The following SLC6A3 variants were observed in gnomAD, a reference collection of about 807,000 sequenced individuals.
SLC6A3 encodes the protein solute carrier family 6 member 3.
A neutral mutation model predicts 70.4 loss-of-function variants in SLC6A3; 19 were observed. The observed-to-expected ratio is 0.27, with a 90% CI of 0.19 to 0.40. The LOEUF is 0.40. Ranked by LOEUF, SLC6A3 falls within the 10% of genes least tolerant of loss-of-function variation. The pLI, the probability that SLC6A3 is intolerant of heterozygous loss-of-function variation, is 1.00. For missense variants in SLC6A3, 613 were observed against 838.5 expected (o/e 0.73, Z 3.32); for synonymous variants, 368 against 356.6 (o/e 1.03, Z -0.36).
chr5:1,393,763 G>A lies in SLC6A3; in HGVS notation c.*972C>T, dbSNP rs6876890. On this transcript the variant is annotated 3_prime_UTR_variant, in exon 15 of 15. Transcript: ENST00000270349. The stretch of plus-strand genomic sequence containing the variant: ...ACGCTCCTGTGGGGGCCCTGCATGC[G>A]TCCTGGGGTAGTACACGCTCCAGTG... 0.21 allele frequency: 25,727 copies of A among 124,336 alleles called. 3,235 individuals are homozygous for A. The highest frequency in any genetic ancestry group is 0.27 in the Middle Eastern group (191 of 720). The allele number at this position is 124,336 out of a possible 1,614,324, so 7.7% of individuals were successfully genotyped here. A position where few individuals can be genotyped will look rare whatever the true frequency, so the allele number is the denominator to read the frequency against.
chr5:1,443,229 T>C lies in SLC6A3; in HGVS notation c.-32A>G. On this transcript the variant is annotated 5_prime_UTR_variant, in exon 2 of 15. Coordinates refer to ENST00000270349, the MANE Select transcript of SLC6A3 (RefSeq NM_001044.5). ...ACTGGGAGTTGAGGAATTCTGTGCT[T>C]CTTCCCTCTTGGTCTTCAGCCAATA... 1 of 1,611,852 alleles carries C rather than the reference T, an allele frequency of 6.2e-7. No individual in the cohort carries two copies. The highest frequency in any genetic ancestry group is 8.5e-7 in the Non-Finnish European group (1 of 1,178,144).
intron 3 of SLC6A3, among the ~76,000 whole-genome samples, chr5:1,435,718 C>T (rs55937514): frequency 0.12 from 15,048 of 129,226 alleles, 1,512 homozygotes; most frequent in Non-Finnish European, 0.16. Flanking sequence ...AAATGGCTCC[C>T]TTGAACAGTG....
chr5:1,429,753 G>A (rs1421507611), intron 4 of SLC6A3, among the ~76,000 whole-genome samples: 1 of 152,168 alleles, frequency 6.6e-6, no homozygotes, highest in Non-Finnish European at 1.5e-5. Context: ...CCCTGGCTCT[G>A]TGTGCCCCCC....
chr5:1,432,724 G>A, intron 3 of SLC6A3, 26 bp from the exon 4 acceptor site: 3 of 1,552,202 alleles, frequency 1.9e-6, no homozygotes, highest in Non-Finnish European at 2.7e-6. Context: ...AGGCCATGGA[G>A]CCCACGCAGG....
chr5:1,409,150 C>A, intron 10 of SLC6A3, 25 bp from the exon 11 acceptor site: 1 of 1,540,070 alleles, frequency 6.5e-7, no homozygotes, highest in Non-Finnish European at 8.9e-7. Flanking sequence ...AGCCTGTGGA[C>A]CTACAGAAGG....
intron 3 of SLC6A3, among the ~76,000 whole-genome samples, chr5:1,439,109 C>A (rs2937642): frequency 0.029 from 4,384 of 152,242 alleles, 217 homozygotes; most frequent in African/African-American, 0.1. Flanking sequence ...TGACACGCGC[C>A]CCTGTCTGTC....
In SLC6A3 at chr5:1,402,556, G is replaced by T. The variant is rs28363134; in HGVS notation, c.1767+366C>A. ...TCAGTACACACAAACACTTGGACACGAATGTGAGCACAGACCCAGGCCCAC... is the reference window on the plus strand; with the variant it reads ...TCAGTACACACAAACACTTGGACACTAATGTGAGCACAGACCCAGGCCCAC... On this transcript the variant is annotated intron_variant, in intron 13 of 14. Coordinates refer to ENST00000270349, the MANE Select transcript of SLC6A3 (RefSeq NM_001044.5). The surrounding 1 kb of genome is among the most constrained non-coding windows in gnomAD (Gnocchi z 8.5). Among the ~76,000 whole-genome samples the T allele has an allele frequency of 6.6e-6, 1 of 152,068 alleles. No individual in the cohort carries two copies. The highest frequency in any genetic ancestry group is 1.5e-5 in the Non-Finnish European group (1 of 68,026).
chr5:1,423,621 G>C (rs1756513519), intron 4 of SLC6A3, among the ~76,000 whole-genome samples: 2 of 152,340 alleles, frequency 1.3e-5, no homozygotes, highest in Middle Eastern at 3.4e-3. Context: ...AGAACAGAGG[G>C]TGAGGGATGG....
In SLC6A3 at chr5:1,406,390, C is replaced by A; in HGVS notation, c.1499-102G>T. Reference sequence around the variant, plus strand: ...GCTGACTCCCAAGGGCCCCACCTACCGGCCCCAGGCTTCGGCTGCACCCAG... The same window carrying A: ...GCTGACTCCCAAGGGCCCCACCTACAGGCCCCAGGCTTCGGCTGCACCCAG... On this transcript the variant is annotated intron_variant, in intron 11 of 14. Transcript: ENST00000270349. This position sits in a 1 kb window ranked among gnomAD's most constrained non-coding sequence, Gnocchi z 8.8. 9.9e-7 allele frequency: 1 copy of A among 1,010,646 alleles called. No individual in the cohort carries two copies. Among genetic ancestry groups the A allele is most frequent in the African/African-American group, 1.6e-5 (1 of 63,270 alleles). 62.6% of individuals were successfully genotyped at this position (1,010,646 alleles called of 1,614,324 possible).
In SLC6A3 at chr5:1,404,822, T is replaced by C. The variant is rs1185705232; in HGVS notation, c.1599+1366A>G. On this transcript the variant is annotated intron_variant, in intron 12 of 14. Transcript: ENST00000270349. The surrounding 1 kb of genome is among the most constrained non-coding windows in gnomAD (Gnocchi z 5.2). Reference sequence around the variant, plus strand: ...CTGTTTCGTATAGTTTGTAGTTTTATCTAAAAGTCTACGAAGTGTGTTTCT... The same window carrying C: ...CTGTTTCGTATAGTTTGTAGTTTTACCTAAAAGTCTACGAAGTGTGTTTCT... 6.6e-6 allele frequency among the ~76,000 whole-genome samples: 1 copy of C among 152,288 alleles called. No homozygotes were observed. The highest frequency in any genetic ancestry group is 1.5e-5 in the Non-Finnish European group (1 of 68,050).
rs73031824 is a variant in SLC6A3 at position 1,442,074 on chromosome 5, T to C, written c.287-584A>G. On this transcript the variant is annotated intron_variant, in intron 2 of 14. Coordinates refer to ENST00000270349, the MANE Select transcript of SLC6A3 (RefSeq NM_001044.5). This position sits in a 1 kb window ranked among gnomAD's most constrained non-coding sequence, Gnocchi z 5.0. ...CCCCAGCACAAAGCCCAGGGAACCC[T>C]GGTCTCAACCTCCTAAATTCCCTCT... 4.1e-3 allele frequency among the ~76,000 whole-genome samples: 628 copies of C among 152,216 alleles called. 5 individuals are homozygous for C. Among genetic ancestry groups the C allele is most frequent in the African/African-American group, 0.014 (594 of 41,544 alleles).
intron 1 of SLC6A3, among the ~76,000 whole-genome samples, chr5:1,444,686 G>A (rs553900628): frequency 6.6e-6 from 1 of 152,350 alleles, no homozygotes; most frequent in African/African-American, 2.4e-5. Flanking sequence ...CGTCGGGTGC[G>A]GAGCTCGCGA....
In SLC6A3 at chr5:1,423,222, C is replaced by T. The variant is rs191434990; in HGVS notation, c.654-1208G>A. On this transcript the variant is annotated intron_variant, in intron 4 of 14. Transcript: ENST00000270349. Reference sequence around the variant, plus strand: ...GCTGCCCATGGTGCTGGGTACCCACCGCTGCCCACGGTGCTGCCCATGGTG... The same window carrying T: ...GCTGCCCATGGTGCTGGGTACCCACTGCTGCCCACGGTGCTGCCCATGGTG... 1.5e-3 allele frequency among the ~76,000 whole-genome samples: 91 copies of T among 60,782 alleles called. 19 individuals carry two copies. The highest frequency in any genetic ancestry group is 0.02 in the Middle Eastern group (2 of 102). The allele number at this position is 60,782 out of a possible 152,430, so 39.9% of individuals were successfully genotyped here. A position where few individuals can be genotyped will look rare whatever the true frequency, so the allele number is the denominator to read the frequency against.
At chr5:1,416,547 C>T in intron 6 of SLC6A3, 3 of 430,790 alleles carry the variant, frequency 7.0e-6, no homozygotes, top group South Asian at 4.3e-5. Context: ...CCACAGCATC[C>T]TAATAACCCT....
intron 4 of SLC6A3, among the ~76,000 whole-genome samples, chr5:1,424,681 C>T (rs1204589881): frequency 6.6e-6 from 1 of 152,238 alleles, no homozygotes; most frequent in East Asian, 1.9e-4. Flanking sequence ...AGTGCGCTGC[C>T]CCACTCAGGG....
intron 14 of SLC6A3, among the ~76,000 whole-genome samples, chr5:1,399,245 G>C (rs1579698370): frequency 6.6e-6 from 1 of 152,076 alleles, no homozygotes; most frequent in African/African-American, 2.4e-5. Flanking sequence ...AGTTGACAAA[G>C]TCACAATGGA....
intron 1 of SLC6A3, among the ~76,000 whole-genome samples, chr5:1,444,304 G>A (rs1733749096): frequency 6.6e-6 from 1 of 152,110 alleles, no homozygotes; most frequent in South Asian, 2.1e-4. Context: ...CAGCCAGGGC[G>A]ACTTCTGTCA....
At position 1,406,684 on chromosome 5, in the gene SLC6A3, G is replaced by A. The variant is rs149600440; in HGVS notation, c.1499-396C>T. On this transcript the variant is annotated intron_variant, in intron 11 of 14. Transcript: ENST00000270349. This position sits in a 1 kb window ranked among gnomAD's most constrained non-coding sequence, Gnocchi z 8.8. Reference sequence around the variant, plus strand: ...AACTTACCATTTTAGCCATTTTTACGTGTAGAGTTCATAATGTATCAATAC... The same window carrying A: ...AACTTACCATTTTAGCCATTTTTACATGTAGAGTTCATAATGTATCAATAC... Among the ~76,000 whole-genome samples the A allele has an allele frequency of 3.9e-4, 59 of 152,180 alleles. 1 individual carries two copies. The South Asian group carries it at 0.012, about 31-fold the overall frequency.
rs569629243 is a variant in SLC6A3 at position 1,397,829 on chromosome 5, C to T, written c.1840-3071G>A. On this transcript the variant is annotated intron_variant, in intron 14 of 14. Transcript: ENST00000270349. The surrounding 1 kb of genome is among the most constrained non-coding windows in gnomAD (Gnocchi z 4.7). ...CAAAAGTATGGGAACCAACAAACAC[C>T]AAGCATGCACATTAGTCCAAGGAAC... 2.0e-5 allele frequency among the ~76,000 whole-genome samples: 3 copies of T among 152,240 alleles called. No homozygotes were observed. The East Asian group carries it at 5.8e-4, about 29-fold the overall frequency.
Sources: allele counts gnomAD v4.1 joint callset (sites outside exome capture counted in the v4.1 genomes callset), GRCh38; gene constraint gnomAD v4.1.1; non-coding constraint Gnocchi (gnomAD v3.1); transcripts MANE v1.5; gene names NCBI Gene and HGNC (gene_info 2026-07-23, HGNC 2026-07-21).